The following MCCC2 variants were observed in gnomAD, a reference collection of about 807,000 sequenced individuals.
MCCC2 encodes the protein methylcrotonyl-CoA carboxylase subunit 2, also known as methylcrotonoyl-CoA carboxylase beta chain, mitochondrial.
In MCCC2, 52 loss-of-function variants were observed where a neutral mutation model predicts 77.2. That is an observed-to-expected ratio of 0.67 (90% CI 0.54 to 0.85). The LOEUF is 0.85. Among genes scored for constraint, MCCC2 ranks in the 40% least tolerant of loss-of-function variants. MCCC2 has a pLI of 0.00. For missense variants in MCCC2, 682 were observed against 703.2 expected (o/e 0.97, Z 0.34); for synonymous variants, 253 against 248.4 (o/e 1.02, Z -0.18).
chr5:71,630,447 A>G (rs144522787), intron 7 of MCCC2, among the ~76,000 whole-genome samples: 2 of 152,250 alleles, frequency 1.3e-5, no homozygotes, highest in African/African-American at 4.8e-5. Context: ...GTGGGTGTTC[A>G]ATAAATATTA....
chr5:71,587,986 T>C (rs773938089), intron 1 of MCCC2, among the ~76,000 whole-genome samples: 44 of 152,144 alleles, frequency 2.9e-4, no homozygotes, highest in Non-Finnish European at 5.3e-4. Flanking sequence ...TTGATTATGA[T>C]GGCCGAGCCC....
chr5:71,643,245 G>T (rs1339956686), intron 11 of MCCC2, among the ~76,000 whole-genome samples: 1 of 151,984 alleles, frequency 6.6e-6, no homozygotes, highest in Non-Finnish European at 1.5e-5. Context: ...AGCTGGGTGT[G>T]GGGGTGAGTG....
Position 71,587,566 on chromosome 5 carries a change from G to C in MCCC2, c.129+12G>C, listed in dbSNP as rs1249914117. The C allele has an allele frequency of 6.5e-7, 1 of 1,531,842 alleles. No homozygotes were observed. The highest frequency in any genetic ancestry group is 2.0e-5 in the Admixed American group (1 of 50,856). The allele number at this position is 1,531,842 out of a possible 1,614,324, so 94.9% of individuals were successfully genotyped here. A position where few individuals can be genotyped will look rare whatever the true frequency, so the allele number is the denominator to read the frequency against. On this transcript the variant is annotated intron_variant, in intron 1 of 16. Transcript: ENST00000340941. ...CTGCCCTCTACCAGGTAGGCTGAGC[G>C]CCCCGGTGGCCTGGCCGCCGGTGCC...
chr5:71,626,887 T>C (rs910666582), intron 7 of MCCC2, 134 bp downstream of exon 7: 39 of 838,724 alleles, frequency 4.6e-5, no homozygotes, highest in Non-Finnish European at 7.3e-5. Flanking sequence ...GTTGTAACCG[T>C]TTTTCAGTAC....
Position 71,599,713 on chromosome 5 carries a change from G to A in MCCC2, c.336G>A (p.Glu112=), listed in dbSNP as rs1325018619. ...CAGGTTACCAGTTATATGACAATGA[G>A]GAGGTGCCAGGAGGTGGCATTATTA... ...QFAGYQLYDN[E]EVPGGGIITG... is the part of the protein sequence containing the mutation. Residue 112 remains glutamate (E), a synonymous_variant, in exon 4 of 17, where the codon GAG becomes GAA. Transcript: ENST00000340941. The A allele has an allele frequency of 8.7e-6, 14 of 1,613,958 alleles. No individual in the cohort carries two copies. In the South Asian group the frequency reaches 1.4e-4, roughly 16 times the overall value.
At chr5:71,647,259 C>T (rs180765554) in intron 13 of MCCC2, among the ~76,000 whole-genome samples, 1 of 152,288 alleles carries the variant, frequency 6.6e-6, no homozygotes, top group African/African-American at 2.4e-5. Context: ...AAGGAAGAGT[C>T]AGGCTCTTGG....
At chr5:71,601,511 T>C (rs1185130318) in intron 4 of MCCC2, among the ~76,000 whole-genome samples, 1 of 152,200 alleles carries the variant, frequency 6.6e-6, no homozygotes. Context: ...AGAAAAAGGT[T>C]TTATATGACC....
chr5:71,641,102 G>T, intron 11 of MCCC2, 27 bp downstream of exon 11: 1 of 1,586,250 alleles, frequency 6.3e-7, no homozygotes, highest in South Asian at 1.1e-5. Flanking sequence ...TTGAAAATAC[G>T]AACATTTTCT....
At chr5:71,648,985 C>T (rs1462673628) in intron 13 of MCCC2, 112 bp from the exon 14 acceptor site, 32 of 1,222,042 alleles carry the variant, frequency 2.6e-5, no homozygotes, top group South Asian at 6.1e-5. Flanking sequence ...TTTCTTAAGG[C>T]GAGAGGCATT....
intron 2 of MCCC2, among the ~76,000 whole-genome samples, chr5:71,595,925 C>A (rs1157781416): frequency 6.6e-6 from 1 of 152,062 alleles, no homozygotes; most frequent in Non-Finnish European, 1.5e-5. Flanking sequence ...AGGAATTTTC[C>A]AGATCTATCA....
intron 2 of MCCC2, among the ~76,000 whole-genome samples, chr5:71,594,551 G>C (rs1554133303): frequency 1.3e-5 from 2 of 151,588 alleles, no homozygotes; most frequent in Non-Finnish European, 2.9e-5. Context: ...AAAGAGGTGG[G>C]TTTGACTCAA....
intron 6 of MCCC2, among the ~76,000 whole-genome samples, chr5:71,624,524 T>G (rs1746470868): frequency 6.6e-6 from 1 of 151,590 alleles, no homozygotes; most frequent in Non-Finnish European, 1.5e-5. Context: ...ATTACAGGCA[T>G]GCACCACCGT....
intron 15 of MCCC2, among the ~76,000 whole-genome samples, chr5:71,650,795 C>T (rs1747417172): frequency 6.6e-6 from 1 of 152,154 alleles, no homozygotes; most frequent in Non-Finnish European, 1.5e-5. Context: ...ACTACAGGTG[C>T]CCATTACCAT....
chr5:71,624,927 C>G (rs573078743), intron 6 of MCCC2, among the ~76,000 whole-genome samples: 1 of 151,964 alleles, frequency 6.6e-6, no homozygotes, highest in Non-Finnish European at 1.5e-5. Context: ...CTCCTGGCCT[C>G]AAGTGATACA....
Position 71,644,033 on chromosome 5 carries a change from A to ATG in MCCC2, c.1149+175_1149+176dup, listed in dbSNP as rs61210707. 0.14 allele frequency: 75,967 copies of ATG among 550,150 alleles called. 1,063 individuals are homozygous for ATG. Among genetic ancestry groups the ATG allele is most frequent in the East Asian group, 0.21 (5,329 of 25,826 alleles). The allele number at this position is 550,150 out of a possible 1,614,324, so 34.1% of individuals were successfully genotyped here. On this transcript the variant is annotated intron_variant, in intron 12 of 16. Coordinates refer to ENST00000340941, the MANE Select transcript of MCCC2 (RefSeq NM_022132.5). ...CAACCAGAACACTGTGTGCGCGGGC[A>ATG]TGTGTGTGTGTGTGTGTGTGTGTGT...
At chr5:71,610,851 TGG>T (rs1227088883) in intron 6 of MCCC2, among the ~76,000 whole-genome samples, 34 of 152,192 alleles carry the variant, frequency 2.2e-4, no homozygotes, top group Non-Finnish European at 4.7e-4. Context: ...CTGGGCGTGG[TGG>T]CACATGCCTG....
intron 1 of MCCC2, among the ~76,000 whole-genome samples, chr5:71,589,248 T>C (rs1744878803): frequency 6.6e-6 from 1 of 152,256 alleles, no homozygotes; most frequent in Non-Finnish European, 1.5e-5. Context: ...GCTTTGGTGA[T>C]GGGTTTTGTA....
chr5:71,655,511 A>G (rs1747554250), intron 16 of MCCC2, among the ~76,000 whole-genome samples: 2 of 152,138 alleles, frequency 1.3e-5, no homozygotes, highest in East Asian at 1.9e-4. Context: ...CTTCATCACC[A>G]TGCTTGCTGT....
intron 6 of MCCC2, among the ~76,000 whole-genome samples, chr5:71,616,418 C>G (rs1409116636): frequency 1.3e-5 from 2 of 152,164 alleles, no homozygotes; most frequent in African/African-American, 4.8e-5. Flanking sequence ...GATGCTGTCT[C>G]TAGGTAGACT....
Sources: gnomAD v4.1 joint callset for allele counts (sites outside exome capture counted in the v4.1 genomes callset) on GRCh38, gnomAD v4.1.1 for gene constraint, MANE v1.5 for transcripts, NCBI Gene and HGNC (gene_info 2026-07-23, HGNC 2026-07-21) for gene names.